RETREG3: variants seen among roughly 807,000 people sequenced by gnomAD.
RETREG3 encodes the protein reticulophagy regulator family member 3, also known as reticulophagy regulator 3.
A neutral mutation model predicts 50.2 loss-of-function variants in RETREG3; 23 were observed. The observed-to-expected ratio is 0.46, with a 90% confidence interval of 0.33 to 0.65. The LOEUF is 0.65. Among genes scored for constraint, RETREG3 ranks in the 30% least tolerant of loss-of-function variants. RETREG3 has a pLI of 0.02. For synonymous variants in RETREG3, 240 were observed against 234.4 expected (o/e 1.02, Z -0.22); for missense variants, 546 against 598.0 (o/e 0.91, Z 0.91).
intron 1 of RETREG3, chr17:42,608,884 A>C: frequency 1.7e-6 from 1 of 583,798 alleles, no homozygotes; most frequent in Non-Finnish European, 3.0e-6. Context: ...CAGGTAAGGC[A>C]GAGAAGATGG....
chr17:42,601,975 A>G (rs1422453458), intron 1 of RETREG3, among the ~76,000 whole-genome samples: 1 of 152,130 alleles, frequency 6.6e-6, no homozygotes, highest in Admixed American at 6.5e-5. Flanking sequence ...GCTGAACTAT[A>G]CATCACTGAG....
At chr17:42,595,209 T>G (rs1383201390) in intron 1 of RETREG3, among the ~76,000 whole-genome samples, 1 of 151,912 alleles carries the variant, frequency 6.6e-6, no homozygotes, top group Non-Finnish European at 1.5e-5. Context: ...CCTCGTGATC[T>G]GCCTGCCTCA....
rs915888098 is a variant in RETREG3 at position 42,605,087 on chromosome 17, G to GA, written c.239+3998dup. 4.4e-3 allele frequency among the ~76,000 whole-genome samples: 591 copies of GA among 135,016 alleles called. 1 individual carries two copies. The highest frequency in any genetic ancestry group is 5.9e-3 in the Admixed American group (79 of 13,410). The allele number at this position is 135,016 out of a possible 152,430, so 88.6% of individuals were successfully genotyped here. A position where few individuals can be genotyped will look rare whatever the true frequency, so the allele number is the denominator to read the frequency against. On this transcript the variant is annotated intron_variant, in intron 1 of 8. Coordinates refer to ENST00000309428, the MANE Select transcript of RETREG3 (RefSeq NM_178126.4). ...GGCCACCATAAATTCTCTGGTACCT[G>GA]AAAAAAAAAAAAGTATGAAAACCTT... is the stretch of plus-strand genomic sequence containing the variant.
At chr17:42,587,639 G>A (rs2093123848) in intron 3 of RETREG3, 195 bp downstream of exon 3, 2 of 606,144 alleles carry the variant, frequency 3.3e-6, no homozygotes, top group Non-Finnish European at 5.8e-6. Context: ...AACTTCTCTT[G>A]TAAAGATCAG....
chr17:42,589,130 C>T (rs1597734948), intron 2 of RETREG3, among the ~76,000 whole-genome samples: 1 of 151,500 alleles, frequency 6.6e-6, no homozygotes, highest in Non-Finnish European at 1.5e-5. Context: ...AATGGGGAGA[C>T]CCATTATCTA....
chr17:42,586,199 A>T, intron 4 of RETREG3, 62 bp from the exon 5 acceptor site: 5 of 1,515,186 alleles, frequency 3.3e-6, no homozygotes, highest in Non-Finnish European at 3.7e-6. Context: ...GGTGGGTGTG[A>T]AGGGTTAGGG....
intron 1 of RETREG3, among the ~76,000 whole-genome samples, chr17:42,604,169 G>C (rs2093163480): frequency 6.8e-6 from 1 of 147,608 alleles, no homozygotes; most frequent in Non-Finnish European, 1.5e-5. Context: ...TATTTTTTTG[G>C]GGGGGCGGAC....
intron 2 of RETREG3, among the ~76,000 whole-genome samples, chr17:42,589,106 CAA>C (rs58887647): frequency 3.0e-5 from 4 of 132,838 alleles, no homozygotes; most frequent in Admixed American, 7.6e-5. Context: ...TGTCTCTAAC[CAA>C]AAAAAAAAAA....
chr17:42,596,076 A>G (rs2093143744), intron 1 of RETREG3, among the ~76,000 whole-genome samples: 1 of 151,952 alleles, frequency 6.6e-6, no homozygotes, highest in Non-Finnish European at 1.5e-5. Context: ...TCGTTGCCGA[A>G]AAATGTTTTC....
Position 42,582,618 on chromosome 17 carries a change from A to G in RETREG3, c.943+56T>C, listed in dbSNP as rs2093111898. The G allele has an allele frequency of 1.9e-5, 30 of 1,607,988 alleles. No individual in the cohort carries two copies. The South Asian group carries it at 3.3e-4, about 18-fold the overall frequency. On this transcript the variant is annotated intron_variant, in intron 8 of 8. Transcript: ENST00000309428. ...GCACCAGTATCCCCTCTGTTCAGGG[A>G]AGCTAAGAGGCAACAGTCAGAGCCA...
chr17:42,586,150 G>A lies in RETREG3; in HGVS notation c.505-13C>T, dbSNP rs576583621. ...TCAGCAAGCAGAACTGGGGAATCAA[G>A]AAAGAGTATTAAGTTTCTGTCACAT... is the stretch of plus-strand genomic sequence containing the variant. On this transcript the variant is annotated splice_polypyrimidine_tract_variant and intron_variant, in intron 4 of 8. Coordinates refer to ENST00000309428, the MANE Select transcript of RETREG3 (RefSeq NM_178126.4). 3 of 1,613,728 alleles carry A rather than the reference G, an allele frequency of 1.9e-6. No individual in the cohort carries two copies. In the South Asian group the frequency reaches 3.3e-5, roughly 18 times the overall value.
At chr17:42,602,841 G>A (rs1413994165) in intron 1 of RETREG3, among the ~76,000 whole-genome samples, 1 of 152,118 alleles carries the variant, frequency 6.6e-6, no homozygotes, top group African/African-American at 2.4e-5. Context: ...CTACCTGAGA[G>A]GCTGAGGTGG....
downstream of RETREG3, chr17:42,579,509 T>G: frequency 6.5e-6 from 1 of 152,784 alleles, no homozygotes. Context: ...ATCAGTCTCT[T>G]AAAGATTGTT....
chr17:42,601,628 C>CTTTTT (rs750926453), intron 1 of RETREG3, among the ~76,000 whole-genome samples: 2 of 79,812 alleles, frequency 2.5e-5, no homozygotes, highest in African/African-American at 5.0e-5. Context: ...AAGGTTCCAA[C>CTTTTT]TTTTTTTTTT....
intron 6 of RETREG3, among the ~76,000 whole-genome samples, chr17:42,584,884 C>T (rs1014526023): frequency 2.0e-5 from 3 of 149,492 alleles, no homozygotes; most frequent in African/African-American, 7.4e-5. Context: ...AGCTTTTATT[C>T]AACTTGAAAG....
chr17:42,608,907 G>A, intron 1 of RETREG3, 179 bp downstream of exon 1: 2 of 628,462 alleles, frequency 3.2e-6, no homozygotes, highest in South Asian at 2.0e-5. Flanking sequence ...GGACGGCCCT[G>A]GGAAGAACTA....
intron 1 of RETREG3, among the ~76,000 whole-genome samples, chr17:42,606,992 T>C (rs1004636722): frequency 1.3e-5 from 2 of 151,512 alleles, no homozygotes; most frequent in African/African-American, 2.4e-5. Context: ...AGCCAAACTG[T>C]CTCAAAACAA....
chr17:42,585,005 C>T, intron 6 of RETREG3, 120 bp downstream of exon 6: 1 of 1,249,612 alleles, frequency 8.0e-7, no homozygotes, highest in South Asian at 1.4e-5. Flanking sequence ...TATCAATCCT[C>T]ACCCCCACCA....
At chr17:42,602,641 G>A (rs180769471) in intron 1 of RETREG3, among the ~76,000 whole-genome samples, 4 of 152,094 alleles carry the variant, frequency 2.6e-5, no homozygotes, top group Non-Finnish European at 5.9e-5. Context: ...AATTAATTAT[G>A]ATCATTAAAA....
Sources: gnomAD v4.1 joint callset for allele counts (sites outside exome capture counted in the v4.1 genomes callset) on GRCh38, gnomAD v4.1.1 for gene constraint, MANE v1.5 for transcripts, NCBI Gene and HGNC (gene_info 2026-07-23, HGNC 2026-07-21) for gene names.